Variants in LPIN1 observed in about 807,000 individuals in gnomAD.
LPIN1 encodes the protein lipin 1.
Under a neutral mutation model 107.5 loss-of-function variants are expected in LPIN1, and 71 were observed. That is an observed-to-expected ratio of 0.66 (90% CI 0.55 to 0.80). The LOEUF (loss-of-function observed/expected upper bound fraction) is 0.80. LPIN1 is among the 30% of genes least tolerant of loss of function. The pLI is 0.00. For synonymous variants in LPIN1, 445 were observed against 452.6 expected (o/e 0.98, Z 0.21); for missense variants, 1,043 against 1,160.6 (o/e 0.90, Z 1.47).
At chr2:11,767,610 C>T (rs747283149) in intron 2 of LPIN1, 153 bp from the exon 3 acceptor site, 7 of 687,622 alleles carry the variant, frequency 1.0e-5, no homozygotes, top group Non-Finnish European at 1.3e-5. Context: ...TGACAGTTCC[C>T]TTGGATGGGA....
chr2:11,706,875 G>T (rs1296754102), intron 1 of LPIN1, among the ~76,000 whole-genome samples: 2 of 152,186 alleles, frequency 1.3e-5, no homozygotes, highest in Non-Finnish European at 2.9e-5. Context: ...AAAATGATGT[G>T]CAGGTTTCTG....
At chr2:11,801,252 G>A (rs770675437) in intron 14 of LPIN1, among the ~76,000 whole-genome samples, 1 of 152,172 alleles carries the variant, frequency 6.6e-6, no homozygotes, top group Non-Finnish European at 1.5e-5. Flanking sequence ...TCCCACTACT[G>A]CTTATTTATC....
At chr2:11,764,722 T>C (rs1240097422) in intron 1 of LPIN1, among the ~76,000 whole-genome samples, 1 of 152,276 alleles carries the variant, frequency 6.6e-6, no homozygotes, top group Non-Finnish European at 1.5e-5. Flanking sequence ...AGCAGTCATT[T>C]GTTTTTCAAC....
upstream of LPIN1, among the ~76,000 whole-genome samples, chr2:11,746,425 G>C (rs1459724255): frequency 6.6e-6 from 1 of 152,170 alleles, no homozygotes; most frequent in Non-Finnish European, 1.5e-5. Context: ...TCAGAAAGGC[G>C]GCCTAAGGGG....
Position 11,825,920 on chromosome 2 carries a change from AGACT to A in LPIN1, c.*1133_*1136del, listed in dbSNP as rs1682311469. 6.6e-6 allele frequency: 1 copy of A among 152,318 alleles called. No homozygotes were observed. Among genetic ancestry groups the A allele is most frequent in the Middle Eastern group, 3.4e-3 (1 of 294 alleles). 9.4% of individuals were successfully genotyped at this position (152,318 alleles called of 1,614,324 possible). On this transcript the variant is annotated 3_prime_UTR_variant, in exon 21 of 21. Coordinates refer to ENST00000674199, the MANE Select transcript of LPIN1 (RefSeq NM_001349206.2). This position sits in a 1 kb window ranked among gnomAD's most constrained non-coding sequence, Gnocchi z 4.1. ...AAGGGCCTTATTCTCTCTTTCTCAT[AGACT>A]GACCTTCTTTTGGAATTTCTGAGTC...
intron 1 of LPIN1, among the ~76,000 whole-genome samples, chr2:11,689,205 C>T (rs556841335): frequency 6.6e-6 from 1 of 152,206 alleles, no homozygotes. Context: ...TTGTAAGAAA[C>T]ACACAGGTGA....
At chr2:11,799,483 G>A (rs2716618) in intron 14 of LPIN1, among the ~76,000 whole-genome samples, 1,603 of 151,336 alleles carry the variant, frequency 0.011, 34 homozygotes, top group African/African-American at 0.036. Context: ...TCCCCTCCCC[G>A]TTCCCAGCAG....
chr2:11,790,074 A>G (rs933220058), intron 12 of LPIN1, among the ~76,000 whole-genome samples: 8 of 152,138 alleles, frequency 5.3e-5, no homozygotes, highest in Non-Finnish European at 8.8e-5. Flanking sequence ...TTTCTTGTAT[A>G]TGGGGCATAT....
chr2:11,784,221 T>C lies in LPIN1; in HGVS notation c.1358+299T>C. 4.4e-6 allele frequency: 4 copies of C among 900,770 alleles called. No homozygotes were observed. In the South Asian group the frequency reaches 7.0e-5, roughly 16 times the overall value. 55.8% of individuals were successfully genotyped at this position (900,770 alleles called of 1,614,324 possible). The stretch of plus-strand genomic sequence containing the variant: ...CGGGAGGCTGAGGCAGGAGAATTGC[T>C]TGAATCCAGGAGGCGGAGGTTGCAT... On this transcript the variant is annotated intron_variant, in intron 9 of 20. Transcript: ENST00000674199.
In LPIN1 at chr2:11,765,966, A is replaced by G. The variant is rs1190856009; in HGVS notation, c.192+233A>G. Among the ~76,000 whole-genome samples, 1 of 152,222 alleles carries G rather than the reference A, an allele frequency of 6.6e-6. No individual in the cohort carries two copies. Among genetic ancestry groups the G allele is most frequent in the African/African-American group, 2.4e-5 (1 of 41,470 alleles). On this transcript the variant is annotated intron_variant, in intron 2 of 20. Coordinates refer to ENST00000674199, the MANE Select transcript of LPIN1 (RefSeq NM_001349206.2). This position sits in a 1 kb window ranked among gnomAD's most constrained non-coding sequence, Gnocchi z 4.4. The stretch of plus-strand genomic sequence containing the variant: ...TATTAAGCTCCTGTATCTGTGGGTC[A>G]GGAATTTAGGCAGAGCACAGTGGGG...
exon 1 of LPIN1, chr2:11,677,675 T>A: frequency 6.5e-7 from 1 of 1,535,706 alleles, no homozygotes; most frequent in Admixed American, 2.0e-5. Flanking sequence ...CATTCGCAGC[T>A]CCAGCTGGGA....
intron 1 of LPIN1, among the ~76,000 whole-genome samples, chr2:11,755,483 C>CA (rs903419654): frequency 2.0e-5 from 3 of 152,128 alleles, no homozygotes; most frequent in Non-Finnish European, 2.9e-5. Flanking sequence ...AGAGAAGACT[C>CA]ACTTGGTAGA....
At chr2:11,781,494 G>GT (rs1673566041) in intron 7 of LPIN1, among the ~76,000 whole-genome samples, 1 of 152,172 alleles carries the variant, frequency 6.6e-6, no homozygotes, top group African/African-American at 2.4e-5. Context: ...TTGCATTTTG[G>GT]TTTTTGTTTG....
In LPIN1 at chr2:11,771,633, A is replaced by G. The variant is rs766080987; in HGVS notation, c.550A>G (p.Ile184Val). 6.2e-7 allele frequency: 1 copy of G among 1,605,788 alleles called. No individual in the cohort carries two copies. ...ATCTGAGGATGAGGACATGTTCCCC[A>G]TCGAGATGAGCTCGGATGAGGCCAT... is the stretch of plus-strand genomic sequence containing the variant. ...NTSEDEDMFP[I>V]EMSSDEAMEL... Residue 184 changes from isoleucine (I) to valine (V), a missense_variant, in exon 4 of 21, where the codon ATC becomes GTC. Transcript: ENST00000674199. The surrounding 1 kb of genome is among the most constrained non-coding windows in gnomAD (Gnocchi z 4.8).
In LPIN1 at chr2:11,697,289, T is replaced by C. The variant is rs992183520; in HGVS notation, c.82-16467T>C. On this transcript the variant is annotated intron_variant, in intron 1 of 21. Coordinates refer to the LPIN1 transcript ENST00000449576. This position sits in a 1 kb window ranked among gnomAD's most constrained non-coding sequence, Gnocchi z 4.6. ...ACAACCGCACTACCCAGATGCTTCC[T>C]GGCCTCGCCCAGCTCTTGTGCTCCT... 7.2e-5 allele frequency among the ~76,000 whole-genome samples: 11 copies of C among 152,246 alleles called. No individual in the cohort carries two copies. Among genetic ancestry groups the C allele is most frequent in the Admixed American group, 7.2e-4 (11 of 15,290 alleles).
chr2:11,798,421 G>C (rs1259327009), intron 14 of LPIN1, among the ~76,000 whole-genome samples: 2 of 152,158 alleles, frequency 1.3e-5, no homozygotes, highest in African/African-American at 4.8e-5. Context: ...AGACATAGCA[G>C]GCAGGACCCC....
intron 1 of LPIN1, among the ~76,000 whole-genome samples, chr2:11,739,183 C>T (rs1488190467): frequency 6.6e-6 from 1 of 152,218 alleles, no homozygotes; most frequent in Non-Finnish European, 1.5e-5. Context: ...AGCTGTATTG[C>T]TCAATCAGCC....
At chr2:11,759,656 C>T (rs569646727) in intron 1 of LPIN1, among the ~76,000 whole-genome samples, 7 of 150,814 alleles carry the variant, frequency 4.6e-5, no homozygotes, top group Non-Finnish European at 8.9e-5. Context: ...TCGACAAAAC[C>T]GCCATTGTCA....
At chr2:11,695,434 G>A (rs1296710130) in intron 1 of LPIN1, among the ~76,000 whole-genome samples, 1 of 152,126 alleles carries the variant, frequency 6.6e-6, no homozygotes, top group Admixed American at 6.5e-5. Context: ...GCAGGGGGAG[G>A]AAAAGCCAGT....
Sources: gnomAD v4.1 joint callset for allele counts (sites outside exome capture counted in the v4.1 genomes callset) on GRCh38, gnomAD v4.1.1 for gene constraint, Gnocchi (gnomAD v3.1) non-coding constraint, MANE v1.5 for transcripts, NCBI Gene and HGNC (gene_info 2026-07-23, HGNC 2026-07-21) for gene names.